Variants in PBX1 observed in about 807,000 individuals in gnomAD.
PBX1 encodes pre-B-cell leukemia transcription factor 1.
In PBX1, 6 loss-of-function variants were observed where a neutral mutation model predicts 53.4. That is an observed-to-expected ratio of 0.11 (90% CI 0.06 to 0.22). PBX1 has a LOEUF of 0.22. Ranked by LOEUF, PBX1 falls within the 10% of genes least tolerant of loss-of-function variation. PBX1 has a pLI of 1.00. For synonymous variants in PBX1, 204 were observed against 212.3 expected (o/e 0.96, Z 0.34); for missense variants, 251 against 551.4 (o/e 0.46, Z 5.46).
intron 2 of PBX1, among the ~76,000 whole-genome samples, chr1:164,647,966 C>G (rs1251676062): frequency 2.0e-5 from 3 of 152,118 alleles, no homozygotes; most frequent in Non-Finnish European, 4.4e-5. Context: ...GGGCGCCCAC[C>G]ACTACGCCCG....
intron 1 of PBX1, among the ~76,000 whole-genome samples, chr1:164,562,359 G>C (rs531803687): frequency 6.6e-6 from 1 of 151,840 alleles, no homozygotes; most frequent in African/African-American, 2.4e-5. Flanking sequence ...GATATGATCA[G>C]TATTTTGTTT....
intron 2 of PBX1, among the ~76,000 whole-genome samples, chr1:164,652,965 G>T (rs1408957560): frequency 2.6e-5 from 4 of 151,706 alleles, no homozygotes; most frequent in Non-Finnish European, 5.9e-5. Context: ...TACCTCCCGG[G>T]TTCAAGTAGT....
At chr1:164,834,820 T>A (rs1414965860) in intron 8 of PBX1, among the ~76,000 whole-genome samples, 1 of 152,262 alleles carries the variant, frequency 6.6e-6, no homozygotes, top group Non-Finnish European at 1.5e-5. Flanking sequence ...TTGCATTGGT[T>A]GCTCTTCTCT....
chr1:164,559,960 T>C lies in PBX1; in HGVS notation c.138T>C (p.Ile46=), dbSNP rs1292838914. Residue 46 remains isoleucine, a synonymous_variant, in exon 1 of 9, where the codon ATT becomes ATC. Coordinates refer to ENST00000420696, the MANE Select transcript of PBX1 (RefSeq NM_002585.4). ...EGGRKQDIGD[I]LQQIMTITDQ... is the part of the protein sequence containing the mutation. ...GGAGGAAGCAGGACATTGGAGACAT[T>C]TTACAGCAAATTATGACCATCACAG... The C allele has an allele frequency of 6.5e-7, 1 of 1,538,626 alleles. No homozygotes were observed. The highest frequency in any genetic ancestry group is 8.8e-7 in the Non-Finnish European group (1 of 1,139,912).
intron 2 of PBX1, among the ~76,000 whole-genome samples, chr1:164,612,478 G>A (rs970304191): frequency 6.6e-6 from 1 of 152,148 alleles, no homozygotes; most frequent in South Asian, 2.1e-4. Flanking sequence ...GGCTCTGCTC[G>A]AGCAGTGCTG....
At chr1:164,681,923 T>C (rs1261283597) in intron 2 of PBX1, among the ~76,000 whole-genome samples, 4 of 152,178 alleles carry the variant, frequency 2.6e-5, no homozygotes. Context: ...GGTAAAAATA[T>C]TTACCCGGAA....
chr1:164,705,003 T>C (rs1273208704), intron 2 of PBX1, among the ~76,000 whole-genome samples: 1 of 152,232 alleles, frequency 6.6e-6, no homozygotes, highest in South Asian at 2.1e-4. Flanking sequence ...AGGGAAATCA[T>C]TTGAGAAATT....
intron 2 of PBX1, among the ~76,000 whole-genome samples, chr1:164,746,731 G>A (rs1437683382): frequency 6.6e-6 from 1 of 152,092 alleles, no homozygotes; most frequent in African/African-American, 2.4e-5. Context: ...TTCTTATCTC[G>A]ATTTTTATCA....
At chr1:164,831,908 A>C (rs924843260) in intron 8 of PBX1, among the ~76,000 whole-genome samples, 2 of 152,058 alleles carry the variant, frequency 1.3e-5, no homozygotes, top group African/African-American at 4.8e-5. Flanking sequence ...ATTTAAATCA[A>C]ATGAGATGGT....
At chr1:164,618,694 C>T (rs879663087) in intron 2 of PBX1, among the ~76,000 whole-genome samples, 5 of 152,090 alleles carry the variant, frequency 3.3e-5, no homozygotes, top group African/African-American at 4.8e-5. Context: ...TTCATTATAA[C>T]GAAATAAACA....
chr1:164,560,367 A>G, intron 1 of PBX1: 1 of 397,140 alleles, frequency 2.5e-6, no homozygotes. Flanking sequence ...CAGAGAAAGC[A>G]GAATTGTCAA....
intron 2 of PBX1, among the ~76,000 whole-genome samples, chr1:164,791,350 G>A (rs1056901910): frequency 2.6e-5 from 4 of 152,150 alleles, no homozygotes; most frequent in African/African-American, 7.2e-5. Flanking sequence ...GATCTGAGAC[G>A]CCATCCTACC....
chr1:164,879,473 G>A (rs560976855), intron 2 of PBX1, among the ~76,000 whole-genome samples: 46 of 152,322 alleles, frequency 3.0e-4, no homozygotes, highest in African/African-American at 1.1e-3. Flanking sequence ...AAACATAGGT[G>A]AGGAGGGCAA....
intron 2 of PBX1, among the ~76,000 whole-genome samples, chr1:164,607,262 G>A (rs1436997719): frequency 6.6e-6 from 1 of 152,156 alleles, no homozygotes; most frequent in African/African-American, 2.4e-5. Flanking sequence ...GGATTAAAGT[G>A]GGGGTGAGAT....
rs1489019776 is a variant in PBX1, at chr1:164,792,705, A to C, written c.477A>C (p.Gln159His). 2.5e-6 allele frequency: 4 copies of C among 1,613,176 alleles called. No homozygotes were observed. Among genetic ancestry groups the C allele is most frequent in the East Asian group, 4.5e-5 (2 of 44,870 alleles). The change falls in exon 3 of 9, where the codon CAA becomes CAC. Residue 159 changes from glutamine to histidine, a missense_variant. Physicochemically the swap from Gln to His is conservative, Grantham distance 24. Around this residue, in one of 4 missense-constraint regions of PBX1, gnomAD observed 76 missense variants for 197.5 expected, o/e 0.38. Transcript: ENST00000420696. ...GAGCCAAACTCTCACAGATCAGACA[A>C]ATCTACCATACGGAGCTGGAGAAAT... is the stretch of plus-strand genomic sequence containing the variant. ...DYRAKLSQIR[Q>H]IYHTELEKYE...
chr1:164,843,985 A>G (rs189922494), intron 8 of PBX1, among the ~76,000 whole-genome samples: 26 of 152,264 alleles, frequency 1.7e-4, no homozygotes, highest in African/African-American at 6.3e-4. Flanking sequence ...TTTGTGAGCA[A>G]TGTAATAGAA....
At chr1:164,615,326 A>G (rs71628344) in intron 2 of PBX1, among the ~76,000 whole-genome samples, 9,839 of 152,200 alleles carry the variant, frequency 0.065, 851 homozygotes, top group East Asian at 0.4. Context: ...CTTTCAAATA[A>G]CCACAAGGAA....
At chr1:164,594,118 G>T (rs1490050207) in intron 2 of PBX1, among the ~76,000 whole-genome samples, 1 of 151,952 alleles carries the variant, frequency 6.6e-6, no homozygotes, top group African/African-American at 2.4e-5. Flanking sequence ...CACATCAAAG[G>T]TGGCATTATC....
chr1:164,564,330 G>A (rs899051469), intron 2 of PBX1, among the ~76,000 whole-genome samples: 1 of 151,912 alleles, frequency 6.6e-6, no homozygotes, highest in Non-Finnish European at 1.5e-5. Flanking sequence ...ATAAGCAAGG[G>A]CATGACATGA....
Sources: allele counts gnomAD v4.1 joint callset (sites outside exome capture counted in the v4.1 genomes callset), GRCh38; gene constraint gnomAD v4.1.1; regional missense constraint gnomAD v4.1.1; transcripts MANE v1.5; gene names NCBI Gene and HGNC (gene_info 2026-07-23, HGNC 2026-07-21).